SEL1L3: variants seen among roughly 807,000 people sequenced by gnomAD.
SEL1L3 encodes the protein SEL1L family member 3.
A neutral mutation model predicts 142.8 loss-of-function variants in SEL1L3; 76 were observed. The ratio of observed to expected loss-of-function variants is 0.53; its 90% CI spans 0.44 to 0.64. The LOEUF is 0.64. Ranked by LOEUF, SEL1L3 falls within the 30% of genes least tolerant of loss-of-function variation. SEL1L3 has a pLI of 0.00. For synonymous variants in SEL1L3, 504 were observed against 519.6 expected (o/e 0.97, Z 0.41); for missense variants, 1,262 against 1,381.7 (o/e 0.91, Z 1.37).
chr4:25,830,261 A>AC, intron 5 of SEL1L3, 105 bp from the exon 6 acceptor site: 1 of 663,482 alleles, frequency 1.5e-6, no homozygotes, highest in Non-Finnish European at 2.6e-6. Context: ...AGAGTCTTTT[A>AC]CCTGATCAGT....
intron 2 of SEL1L3, among the ~76,000 whole-genome samples, chr4:25,845,023 A>G (rs1716417840): frequency 1.6e-5 from 2 of 125,224 alleles, no homozygotes; most frequent in South Asian, 5.0e-4. Context: ...TGTAGGTTAA[A>G]ATTGTATAGA....
chr4:25,749,815 C>T (rs182431908), intron 23 of SEL1L3, among the ~76,000 whole-genome samples: 21 of 152,278 alleles, frequency 1.4e-4, no homozygotes, highest in African/African-American at 2.2e-4. Flanking sequence ...TGTTTTTGTA[C>T]GGCTCGTGGT....
chr4:25,838,819 G>A (rs1715993279), intron 2 of SEL1L3, among the ~76,000 whole-genome samples: 1 of 152,152 alleles, frequency 6.6e-6, no homozygotes, highest in African/African-American at 2.4e-5. Flanking sequence ...GTTAAGGGAC[G>A]ATTATGTAGC....
chr4:25,859,694 G>A (rs1717559509), intron 1 of SEL1L3, among the ~76,000 whole-genome samples: 1 of 152,176 alleles, frequency 6.6e-6, no homozygotes, highest in African/African-American at 2.4e-5. Context: ...CACATTTGCT[G>A]TACACTTGTA....
chr4:25,766,159 C>T lies in SEL1L3; in HGVS notation c.2846-724G>A, dbSNP rs1432357617. ...TTGTGTTTAAGAGTATATGTATCGG[C>T]TGAGTGCCGTAGCTCACACCTGTAA... On this transcript the variant is annotated intron_variant, in intron 19 of 23. Transcript: ENST00000399878. Among the ~76,000 whole-genome samples the T allele has an allele frequency of 1.7e-4, 26 of 152,266 alleles. No homozygotes were observed. The East Asian group carries it at 4.8e-3, about 28-fold the overall frequency.
chr4:25,802,797 G>T (rs1472506735), intron 10 of SEL1L3, among the ~76,000 whole-genome samples: 1 of 151,900 alleles, frequency 6.6e-6, no homozygotes, highest in East Asian at 1.9e-4. Flanking sequence ...TAGCCAGGAT[G>T]GTCTCGATCT....
chr4:25,765,372 A>G lies in SEL1L3; in HGVS notation c.2909T>C (p.Leu970Ser). The G allele has an allele frequency of 6.2e-7, 1 of 1,613,960 alleles. No individual in the cohort carries two copies. Among genetic ancestry groups the G allele is most frequent in the East Asian group, 2.2e-5 (1 of 44,870 alleles). ...GHQNQSQDLE[L>S]SVQMYAQAAL... Reference sequence around the variant, plus strand: ...GGCTTGGGCGTACATCTGCACAGACAACTCCAGGTCTTGTGACTGGTTTTG... The same window carrying G: ...GGCTTGGGCGTACATCTGCACAGACGACTCCAGGTCTTGTGACTGGTTTTG... The change falls in exon 20 of 24, where the codon TTG (leucine) becomes TCG (serine). Residue 970 changes from leucine to serine, a missense_variant. Leu to Ser is a moderately radical substitution (Grantham distance 145). This residue lies in a region of SEL1L3 where 435 missense variants were observed against 559.2 expected (regional missense o/e 0.78). Coordinates refer to ENST00000399878, the MANE Select transcript of SEL1L3 (RefSeq NM_015187.5).
In SEL1L3 at chr4:25,765,364, G is replaced by C. The variant is rs369848341; in HGVS notation, c.2917C>G (p.Gln973Glu). ...TCCAGGGCGGCTTGGGCGTACATCT[G>C]CACAGACAACTCCAGGTCTTGTGAC... ...NQSQDLELSV[Q>E]MYAQAALDGD... Residue 973 changes from glutamine (Q) to glutamate (E), a missense_variant, in exon 20 of 24, where the codon CAG becomes GAG. Gln to Glu is a conservative substitution (Grantham distance 29). This residue lies in a region of SEL1L3 where 435 missense variants were observed against 559.2 expected (regional missense o/e 0.78). Coordinates refer to ENST00000399878, the MANE Select transcript of SEL1L3 (RefSeq NM_015187.5). The C allele has an allele frequency of 1.2e-6, 2 of 1,613,796 alleles. No individual in the cohort carries two copies. The highest frequency in any genetic ancestry group is 1.7e-6 in the Non-Finnish European group (2 of 1,179,746).
At chr4:25,744,249 G>A (rs1717194361), downstream of SEL1L3, among the ~76,000 whole-genome samples, 1 of 151,674 alleles carries the variant, frequency 6.6e-6, no homozygotes, top group Admixed American at 6.6e-5. Context: ...TCAGACTGAA[G>A]TCCTAACACC....
At chr4:25,829,917 A>G (rs2109277071) in intron 6 of SEL1L3, among the ~76,000 whole-genome samples, 181 bp downstream of exon 6, 1 of 151,492 alleles carries the variant, frequency 6.6e-6, no homozygotes, top group Middle Eastern at 3.4e-3. Context: ...GGGAAGCAGA[A>G]AGAGTTTGTG....
Position 25,818,142 on chromosome 4 carries a change from C to T in SEL1L3, c.1560G>A (p.Leu520=). The T allele has an allele frequency of 6.2e-7, 1 of 1,611,302 alleles. No individual in the cohort carries two copies. The highest frequency in any genetic ancestry group is 8.5e-7 in the Non-Finnish European group (1 of 1,178,798). ...LFQALLEMDL[L]TVPRNQNESV... The stretch of plus-strand genomic sequence containing the variant: ...CCGAGGCAAAGACTCAATTACCGGT[C>T]AGCAGATCCATCTCCAGCAATGCCT... The change falls in exon 9 of 24, where the codon CTG becomes CTA. Residue 520 remains leucine (L), a synonymous_variant. Coordinates refer to ENST00000399878, the MANE Select transcript of SEL1L3 (RefSeq NM_015187.5).
At chr4:25,719,293 A>T in the SEL1L3 span, 11 of 152,294 alleles carry the variant, frequency 7.2e-5, no homozygotes, top group African/African-American at 2.6e-4. Flanking sequence ...CTAATGTGTA[A>T]AATAAGAAGT....
intron 7 of SEL1L3, among the ~76,000 whole-genome samples, chr4:25,820,742 T>C (rs1405448905): frequency 1.3e-5 from 2 of 152,256 alleles, no homozygotes; most frequent in African/African-American, 4.8e-5. Flanking sequence ...CATATGTATA[T>C]GTACTGTTCA....
At chr4:25,785,129 C>T (rs1490492503) in intron 13 of SEL1L3, among the ~76,000 whole-genome samples, 1 of 152,210 alleles carries the variant, frequency 6.6e-6, no homozygotes, top group Non-Finnish European at 1.5e-5. Flanking sequence ...ATGGGGTCCT[C>T]CTGGACTCAG....
chr4:25,763,473 T>C (rs1718515513), intron 20 of SEL1L3, among the ~76,000 whole-genome samples: 2 of 152,070 alleles, frequency 1.3e-5, no homozygotes, highest in Admixed American at 6.6e-5. Context: ...CAAAGAGCTA[T>C]GGAGTGAGAG....
intron 9 of SEL1L3, among the ~76,000 whole-genome samples, chr4:25,813,542 G>A (rs1284598900): frequency 2.0e-5 from 3 of 152,142 alleles, no homozygotes; most frequent in African/African-American, 4.8e-5. Context: ...GCAGGATGAC[G>A]GCTCCCAGGG....
Position 25,748,519 on chromosome 4 carries a change from G to A in SEL1L3, c.3305C>T (p.Ala1102Val). ...PRPSQASPDT[A>V]TSTASPAVTP... ...CACAGCTGGACTTGCAGTGGACGTG[G>A]CAGTGTCTGGGGAGGCCTGGGATGG... The change falls in exon 24 of 24, where the codon GCC becomes GTC. Residue 1102 changes from alanine to valine, a missense_variant. Ala to Val is a moderately conservative substitution (Grantham distance 64). This residue lies in a region of SEL1L3 where 138 missense variants were observed against 129.7 expected (regional missense o/e 1.06). Coordinates refer to ENST00000399878, the MANE Select transcript of SEL1L3 (RefSeq NM_015187.5). The A allele has an allele frequency of 6.2e-7, 1 of 1,611,614 alleles. No homozygotes were observed. Among genetic ancestry groups the A allele is most frequent in the South Asian group, 1.1e-5 (1 of 90,264 alleles).
chr4:25,716,744 T>G, the SEL1L3 span, among the ~76,000 whole-genome samples: 1 of 152,194 alleles, frequency 6.6e-6, no homozygotes, highest in Non-Finnish European at 1.5e-5. Flanking sequence ...AAATAAAATT[T>G]TAAAACATTC....
intron 1 of SEL1L3, among the ~76,000 whole-genome samples, chr4:25,860,793 T>C (rs532318401): frequency 1.3e-5 from 2 of 152,338 alleles, no homozygotes; most frequent in African/African-American, 4.8e-5. Flanking sequence ...CATGCTCTAG[T>C]TATTTTCCAC....
Sources: allele counts gnomAD v4.1 joint callset (sites outside exome capture counted in the v4.1 genomes callset), GRCh38; gene constraint gnomAD v4.1.1; regional missense constraint gnomAD v4.1.1; transcripts MANE v1.5; gene names NCBI Gene and HGNC (gene_info 2026-07-23, HGNC 2026-07-21).